WDPCP: variants seen among roughly 807,000 people sequenced by gnomAD.
WDPCP encodes the protein WD repeat-containing and planar cell polarity effector protein fritz homolog.
Under a neutral mutation model 93.1 loss-of-function variants are expected in WDPCP, and 71 were observed. That is an observed-to-expected ratio of 0.76 (90% CI 0.63 to 0.93). The LOEUF (loss-of-function observed/expected upper bound fraction) is 0.93, where lower values mean the gene tolerates loss of function less well. Ranked by LOEUF, WDPCP falls within the 40% of genes least tolerant of loss-of-function variation. The pLI, the probability that WDPCP is intolerant of heterozygous loss-of-function variation, is 0.00. For missense variants in WDPCP, 844 were observed against 887.4 expected, an observed-to-expected ratio of 0.95 and a Z score of 0.62; for synonymous variants, 315 against 315.0, an observed-to-expected ratio of 1.00 and a Z score of 0.00.
At chr2:63,372,851 C>T (rs993942693) in intron 12 of WDPCP, among the ~76,000 whole-genome samples, 78 of 152,220 alleles carry the variant, frequency 5.1e-4, no homozygotes, top group African/African-American at 1.8e-3. Flanking sequence ...AGGCTGGGCA[C>T]GGTAGCTCAC....
intron 9 of WDPCP, among the ~76,000 whole-genome samples, chr2:63,416,875 C>T (rs1284555714): frequency 6.6e-6 from 1 of 152,078 alleles, no homozygotes; most frequent in Non-Finnish European, 1.5e-5. Flanking sequence ...GAATATAATT[C>T]CAAGTTGGAC....
intron 11 of WDPCP, among the ~76,000 whole-genome samples, chr2:63,381,241 T>C (rs1323694799): frequency 6.6e-6 from 1 of 152,144 alleles, no homozygotes; most frequent in Admixed American, 6.6e-5. Context: ...TATTTCATTA[T>C]TGTATGTGTC....
At chr2:63,649,552 T>A (rs1046412910) in intron 3 of WDPCP, among the ~76,000 whole-genome samples, 1 of 152,230 alleles carries the variant, frequency 6.6e-6, no homozygotes. Context: ...TCAAACACCT[T>A]GGGTATATAC....
intron 2 of WDPCP, among the ~76,000 whole-genome samples, chr2:63,670,459 C>T (rs938968232): frequency 6.6e-6 from 1 of 152,236 alleles, no homozygotes; most frequent in South Asian, 2.1e-4. Flanking sequence ...GGACCAAGTA[C>T]ATTGGGAAAG....
intron 17 of WDPCP, among the ~76,000 whole-genome samples, chr2:63,135,364 C>T (rs562016638): frequency 5.4e-4 from 83 of 152,310 alleles, no homozygotes; most frequent in African/African-American, 1.7e-3. Context: ...TGCAGTCTTG[C>T]TCTATTGTCC....
chr2:63,461,016 G>A (rs1036141545), intron 6 of WDPCP, among the ~76,000 whole-genome samples: 10 of 152,214 alleles, frequency 6.6e-5, no homozygotes, highest in African/African-American at 2.4e-4. Context: ...AGGCTTCCTT[G>A]AGGAAGAGAC....
chr2:63,643,597 G>A (rs1004121521), intron 3 of WDPCP: 2 of 440,246 alleles, frequency 4.5e-6, no homozygotes. Flanking sequence ...GAGGGGATCA[G>A]GGTAGTGGAT....
chr2:63,605,651 C>A (rs1408649750), intron 3 of WDPCP, among the ~76,000 whole-genome samples: 1 of 152,114 alleles, frequency 6.6e-6, no homozygotes, highest in African/African-American at 2.4e-5. Context: ...TGGCACAATG[C>A]CTGATACATA....
intron 13 of WDPCP, among the ~76,000 whole-genome samples, chr2:63,280,454 G>A (rs1374502656): frequency 6.6e-6 from 1 of 152,066 alleles, no homozygotes; most frequent in Non-Finnish European, 1.5e-5. Flanking sequence ...GGGAATTCTG[G>A]GAGATACAAT....
intron 2 of WDPCP, among the ~76,000 whole-genome samples, chr2:63,802,784 A>G (rs939488440): frequency 2.0e-5 from 3 of 152,210 alleles, no homozygotes; most frequent in African/African-American, 7.2e-5. Flanking sequence ...CAGCTAAAAG[A>G]GAAACAGCAA....
rs186511796 is a variant in WDPCP at position 63,375,435 on chromosome 2, C to T, written c.1748+2951G>A. On this transcript the variant is annotated intron_variant, in intron 12 of 17. Transcript: ENST00000272321. Reference sequence around the variant, plus strand: ...TTTATTATAATAAATACTTTATTAGCTACCATATCAAGACTGTGCTTCTAC... The same window carrying T: ...TTTATTATAATAAATACTTTATTAGTTACCATATCAAGACTGTGCTTCTAC... Among the ~76,000 whole-genome samples, 3 of 151,966 alleles carry T rather than the reference C, an allele frequency of 2.0e-5. No individual in the cohort carries two copies. The East Asian group carries it at 5.8e-4, about 29-fold the overall frequency.
intron 13 of WDPCP, among the ~76,000 whole-genome samples, chr2:63,262,172 C>T (rs2104791506): frequency 6.6e-6 from 1 of 152,184 alleles, no homozygotes; most frequent in East Asian, 1.9e-4. Context: ...ATTACACTGG[C>T]CTTATAAAAT....
chr2:63,561,069 C>A (rs1044590380), intron 1 of WDPCP, among the ~76,000 whole-genome samples: 1 of 152,136 alleles, frequency 6.6e-6, no homozygotes, highest in African/African-American at 2.4e-5. Context: ...AAATTTCACT[C>A]AAGATGAATT....
At chr2:63,351,146 T>TA (rs903830959) in intron 12 of WDPCP, among the ~76,000 whole-genome samples, 105 of 152,032 alleles carry the variant, frequency 6.9e-4, no homozygotes, top group African/African-American at 2.4e-3. Context: ...CACATCTGGC[T>TA]AATTTTTGTA....
intron 14 of WDPCP, among the ~76,000 whole-genome samples, chr2:63,177,820 T>G (rs933321054): frequency 6.6e-6 from 1 of 152,184 alleles, no homozygotes; most frequent in African/African-American, 2.4e-5. Flanking sequence ...GGGCTTTCAG[T>G]TTTTCACCAT....
At chr2:63,535,377 A>T (rs1257018370) in intron 1 of WDPCP, among the ~76,000 whole-genome samples, 1 of 152,198 alleles carries the variant, frequency 6.6e-6, no homozygotes, top group Non-Finnish European at 1.5e-5. Flanking sequence ...GTTCATATGG[A>T]ACCAAAAAAG....
intron 17 of WDPCP, among the ~76,000 whole-genome samples, chr2:63,141,126 C>CTGTA (rs996512473): frequency 4.6e-5 from 7 of 151,912 alleles, no homozygotes; most frequent in Admixed American, 1.3e-4. Flanking sequence ...GTTGCCCAGG[C>CTGTA]TGTAGTGCAA....
chr2:63,290,364 C>G (rs1035218518), intron 13 of WDPCP, among the ~76,000 whole-genome samples: 1 of 151,934 alleles, frequency 6.6e-6, no homozygotes, highest in African/African-American at 2.4e-5. Flanking sequence ...TCCATTTACC[C>G]CCTCCTCTGA....
At chr2:63,702,819 G>A (rs538355248) in intron 2 of WDPCP, among the ~76,000 whole-genome samples, 18 of 151,440 alleles carry the variant, frequency 1.2e-4, no homozygotes, top group East Asian at 9.7e-4. Flanking sequence ...GTGCTGCACC[G>A]ATTAACTCGT....
Sources: allele counts gnomAD v4.1 joint callset (sites outside exome capture counted in the v4.1 genomes callset), GRCh38; gene constraint gnomAD v4.1.1; transcripts MANE v1.5; gene names NCBI Gene and HGNC (gene_info 2026-07-23, HGNC 2026-07-21).